Variants in DACH2 observed in about 807,000 individuals in gnomAD.
The protein encoded by DACH2 is dachshund homolog 2.
In DACH2, 17 loss-of-function variants were observed where a neutral mutation model predicts 35.8. The observed-to-expected ratio is 0.48, with a 90% CI of 0.33 to 0.71. The LOEUF is 0.71. Among genes scored for constraint, DACH2 ranks in the 30% least tolerant of loss-of-function variants. DACH2 has a pLI of 0.02. For synonymous variants in DACH2, 195 were observed against 177.3 expected (o/e 1.10, Z -0.79); for missense variants, 469 against 472.7 (o/e 0.99, Z 0.07).
chrX:86,547,152 G>A (rs1056592195), intron 3 of DACH2, among the ~76,000 whole-genome samples: 1 of 111,137 alleles, frequency 9.0e-6, no homozygotes, highest in Middle Eastern at 4.6e-3. Flanking sequence ...TGTTTTGTCC[G>A]AAGCCCCTTT....
intron 1 of DACH2, among the ~76,000 whole-genome samples, chrX:86,235,954 C>T (rs1466311045): frequency 1.8e-5 from 2 of 111,089 alleles, no homozygotes; most frequent in Non-Finnish European, 3.8e-5. Context: ...GCCAACATGG[C>T]GAAACAGCAT....
chrX:86,307,177 T>C (rs1470238662), intron 1 of DACH2, among the ~76,000 whole-genome samples: 3 of 111,619 alleles, frequency 2.7e-5, no homozygotes, highest in African/African-American at 9.8e-5. Context: ...TGAAACAAAA[T>C]GATGAACTCA....
At chrX:86,549,331 G>C (rs1054471690) in intron 3 of DACH2, among the ~76,000 whole-genome samples, 10 of 110,988 alleles carry the variant, frequency 9.0e-5, no homozygotes, top group African/African-American at 1.6e-4. Context: ...ATTTTCCCTT[G>C]AGACAGCACA....
At chrX:86,637,989 A>G (rs1053708607) in intron 3 of DACH2, among the ~76,000 whole-genome samples, 6 of 111,978 alleles carry the variant, frequency 5.4e-5, no homozygotes, top group Non-Finnish European at 9.4e-5. Flanking sequence ...GGGCAGAGGT[A>G]TCACAATACT....
At chrX:86,425,765 G>A (rs1399583896) in intron 2 of DACH2, among the ~76,000 whole-genome samples, 1 of 110,872 alleles carries the variant, frequency 9.0e-6, no homozygotes, top group African/African-American at 3.3e-5. Flanking sequence ...GACCTATGAA[G>A]CACAGATTAT....
At position 86,167,068 on chromosome X, in the gene DACH2, C is replaced by G. The variant is rs191984908; in HGVS notation, c.488+17960C>G. Among the ~76,000 whole-genome samples, 272 of 110,981 alleles carry G rather than the reference C, an allele frequency of 2.5e-3. 1 individual carries two copies. The highest frequency in any genetic ancestry group is 8.6e-3 in the African/African-American group (263 of 30,675). ...GTTTTGGTATCAGGTTAATACTGGCCTCATAAATTCAGTTTGGAAGTATTC... is the reference window on the plus strand; with the variant it reads ...GTTTTGGTATCAGGTTAATACTGGCGTCATAAATTCAGTTTGGAAGTATTC... On this transcript the variant is annotated intron_variant, in intron 1 of 11. Transcript: ENST00000373125.
chrX:86,291,822 T>G lies in DACH2; in HGVS notation c.489-85002T>G, dbSNP rs1266101909. Among the ~76,000 whole-genome samples, 30 of 53,914 alleles carry G rather than the reference T, an allele frequency of 5.6e-4. 3 individuals carry two copies. Among genetic ancestry groups the G allele is most frequent in the African/African-American group, 3.1e-3 (29 of 9,255 alleles). 46.8% of individuals were successfully genotyped at this position (53,914 alleles called of 115,157 possible). On this transcript the variant is annotated intron_variant, in intron 1 of 11. Coordinates refer to ENST00000373125, the MANE Select transcript of DACH2 (RefSeq NM_053281.3). The stretch of plus-strand genomic sequence containing the variant: ...CTTTTTGATGTGCTGCTGGATTCAG[T>G]TTGCCAGTATTTTATTGAGGATTTT...
chrX:86,148,761 G>A lies in DACH2; in HGVS notation c.141G>A (p.Val47=), dbSNP rs942858690. 1.4e-5 allele frequency: 17 copies of A among 1,209,089 alleles called. No individual in the cohort carries two copies. Among genetic ancestry groups the A allele is most frequent in the Admixed American group, 2.2e-5 (1 of 45,685 alleles). ...CTCCTAATATGATCAATAGTTTCGT[G>A]GTTAATAACCACAGCAACAGTGCCG... ...RLTPNMINSF[V]VNNHSNSAGG... Residue 47 remains valine (V), a synonymous_variant, in exon 1 of 12, where the codon GTG becomes GTA. Transcript: ENST00000373125.
At chrX:86,633,551 C>T (rs1289071212) in intron 3 of DACH2, among the ~76,000 whole-genome samples, 1 of 111,676 alleles carries the variant, frequency 9.0e-6, no homozygotes, top group East Asian at 2.8e-4. Flanking sequence ...GGTACCAATC[C>T]TCCTAAAACT....
chrX:86,199,857 A>G (rs1569299593), intron 1 of DACH2, among the ~76,000 whole-genome samples: 2 of 112,225 alleles, frequency 1.8e-5, no homozygotes, highest in African/African-American at 3.2e-5. Flanking sequence ...TATCATTACA[A>G]TGGCCATACT....
intron 5 of DACH2, among the ~76,000 whole-genome samples, chrX:86,705,694 A>G (rs1183416670): frequency 9.0e-6 from 1 of 111,596 alleles, no homozygotes; most frequent in Non-Finnish European, 1.9e-5. Flanking sequence ...GATTTCTCAA[A>G]GAACTAAAAG....
intron 7 of DACH2, among the ~76,000 whole-genome samples, chrX:86,797,791 A>G (rs1356951653): frequency 8.9e-6 from 1 of 112,002 alleles, no homozygotes; most frequent in African/African-American, 3.2e-5. Flanking sequence ...ATTTCTGCAA[A>G]GGGCAGAACT....
intron 1 of DACH2, among the ~76,000 whole-genome samples, chrX:86,201,893 T>C (rs1041602479): frequency 2.7e-5 from 3 of 111,194 alleles, no homozygotes; most frequent in African/African-American, 9.8e-5. Context: ...TTTAACTTCC[T>C]GTGTGACATT....
chrX:86,348,482 A>AT (rs890139987), intron 1 of DACH2, among the ~76,000 whole-genome samples: 3 of 111,771 alleles, frequency 2.7e-5, no homozygotes, highest in Non-Finnish European at 5.6e-5. Flanking sequence ...AGTTTATTTC[A>AT]TTTTTATGCC....
chrX:86,206,236 C>T (rs1277362576), intron 1 of DACH2, among the ~76,000 whole-genome samples: 1 of 109,647 alleles, frequency 9.1e-6, no homozygotes, highest in Non-Finnish European at 1.9e-5. Flanking sequence ...TATATACATT[C>T]AGCCTGTTTT....
At chrX:86,784,414 C>CA (rs1373494252) in intron 7 of DACH2, among the ~76,000 whole-genome samples, 6 of 111,027 alleles carry the variant, frequency 5.4e-5, no homozygotes, top group Non-Finnish European at 1.1e-4. Flanking sequence ...AAATGCAAGT[C>CA]AAAATCACAA....
intron 1 of DACH2, 86 bp downstream of exon 1, chrX:86,149,194 T>A (rs2030272143): frequency 9.6e-7 from 1 of 1,038,476 alleles, no homozygotes; most frequent in South Asian, 2.4e-5. Context: ...CAACTTTGTT[T>A]GTAGAGTGAG....
intron 3 of DACH2, among the ~76,000 whole-genome samples, chrX:86,565,334 A>C (rs2039280020): frequency 9.0e-6 from 1 of 111,473 alleles, no homozygotes; most frequent in Admixed American, 9.6e-5. Flanking sequence ...TTCTATTAAC[A>C]TGTCTGTATC....
intron 1 of DACH2, chrX:86,160,672 A>G (rs1602242818): frequency 4.0e-6 from 2 of 497,325 alleles, no homozygotes; most frequent in East Asian, 7.1e-5. Context: ...CATCCTTGAC[A>G]GACACATTCT....
Sources: allele counts gnomAD v4.1 joint callset (sites outside exome capture counted in the v4.1 genomes callset), GRCh38; gene constraint gnomAD v4.1.1; transcripts MANE v1.5; gene names NCBI Gene and HGNC (gene_info 2026-07-23, HGNC 2026-07-21).